Variants in MAMDC2 observed in about 807,000 individuals in gnomAD.
MAMDC2 encodes the protein MAM domain-containing protein 2.
In MAMDC2, 57 loss-of-function variants were observed where a neutral mutation model predicts 89.8. The observed-to-expected ratio is 0.63, with a 90% CI of 0.51 to 0.79. MAMDC2 has a LOEUF of 0.79. Among genes scored for constraint, MAMDC2 ranks in the 30% least tolerant of loss-of-function variants. The pLI, the probability that MAMDC2 is intolerant of heterozygous loss-of-function variation, is 0.00. For synonymous variants in MAMDC2, 313 were observed against 293.4 expected, an observed-to-expected ratio of 1.07 and a Z score of -0.68; for missense variants, 800 against 820.6, an observed-to-expected ratio of 0.97 and a Z score of 0.31.
intron 7 of MAMDC2, among the ~76,000 whole-genome samples, chr9:70,135,254 A>G (rs2030960710): frequency 6.6e-6 from 1 of 152,034 alleles, no homozygotes; most frequent in Non-Finnish European, 1.5e-5. Flanking sequence ...ACTGCCTCTG[A>G]TTCCTCCCTA....
At chr9:70,094,102 C>T (rs1827969978) in intron 2 of MAMDC2, 1 of 152,240 alleles carries the variant, frequency 6.6e-6, no homozygotes, top group Non-Finnish European at 1.5e-5. Context: ...ATTGTTTACA[C>T]TGGAGATTGC....
intron 2 of MAMDC2, among the ~76,000 whole-genome samples, chr9:70,096,116 C>T (rs1042664022): frequency 6.6e-6 from 1 of 152,062 alleles, no homozygotes; most frequent in Non-Finnish European, 1.5e-5. Context: ...CTCGACCTCC[C>T]CAGGCTCAGG....
At chr9:70,205,681 G>T (rs1232264234) in intron 11 of MAMDC2, among the ~76,000 whole-genome samples, 2 of 152,186 alleles carry the variant, frequency 1.3e-5, no homozygotes, top group Non-Finnish European at 2.9e-5. Context: ...CCCCCATCTT[G>T]AATGTTAAAC....
chr9:70,078,542 T>C (rs1827586544), intron 2 of MAMDC2, among the ~76,000 whole-genome samples: 1 of 152,166 alleles, frequency 6.6e-6, no homozygotes, highest in Non-Finnish European at 1.5e-5. Flanking sequence ...TAGGAATTCT[T>C]ATTGGTTTAC....
At chr9:70,066,184 A>G (rs1827257626) in intron 2 of MAMDC2, among the ~76,000 whole-genome samples, 1 of 152,170 alleles carries the variant, frequency 6.6e-6, no homozygotes, top group Admixed American at 6.5e-5. Context: ...CAGAGACCCA[A>G]GGGAATGGGG....
chr9:70,162,774 C>T (rs189883345), intron 9 of MAMDC2, among the ~76,000 whole-genome samples: 4 of 152,106 alleles, frequency 2.6e-5, no homozygotes, highest in Admixed American at 2.6e-4. Flanking sequence ...TGAGCCATGG[C>T]ACCTGGACTC....
chr9:70,084,056 T>A (rs1198086822), intron 2 of MAMDC2, among the ~76,000 whole-genome samples: 1 of 152,142 alleles, frequency 6.6e-6, no homozygotes, highest in Non-Finnish European at 1.5e-5. Context: ...CAACTAAGTA[T>A]CACCTATGTG....
chr9:70,108,544 T>C (rs1828408694), intron 3 of MAMDC2, 62 bp downstream of exon 3: 9 of 1,442,466 alleles, frequency 6.2e-6, no homozygotes, highest in Non-Finnish European at 8.3e-6. Flanking sequence ...TATTCTAAAA[T>C]CTTATGAAAA....
At chr9:70,206,314 C>G (rs190228561) in intron 11 of MAMDC2, among the ~76,000 whole-genome samples, 1 of 152,230 alleles carries the variant, frequency 6.6e-6, no homozygotes, top group Non-Finnish European at 1.5e-5. Context: ...TTGTTAATCT[C>G]TTACAGCATC....
intron 11 of MAMDC2, among the ~76,000 whole-genome samples, chr9:70,198,103 GTAAAT>G (rs1183582568): frequency 2.7e-5 from 4 of 149,810 alleles, no homozygotes; most frequent in Non-Finnish European, 5.9e-5. Flanking sequence ...TTCCTAACTT[GTAAAT>G]TAAACTTTAT....
chr9:70,111,893 G>A (rs908404173), intron 4 of MAMDC2, among the ~76,000 whole-genome samples: 1 of 152,194 alleles, frequency 6.6e-6, no homozygotes, highest in African/African-American at 2.4e-5. Context: ...CTTTTGGTCT[G>A]AAAGGACAAG....
rs1052812911 is a variant in MAMDC2 at position 70,226,491 on chromosome 9, T to G, written c.*459T>G. 1.3e-5 allele frequency: 2 copies of G among 152,582 alleles called. No homozygotes were observed. The highest frequency in any genetic ancestry group is 4.8e-5 in the African/African-American group (2 of 41,450). 9.5% of individuals were successfully genotyped at this position (152,582 alleles called of 1,614,324 possible). On this transcript the variant is annotated 3_prime_UTR_variant, in exon 14 of 14. Transcript: ENST00000377182. ...AGTAATATCTGCAGAATGAATGCAG[T>G]CTTTCATGCTAATGAGTTAGTCTGG...
At chr9:70,137,019 A>C (rs1266492061) in intron 7 of MAMDC2, among the ~76,000 whole-genome samples, 5 of 152,142 alleles carry the variant, frequency 3.3e-5, no homozygotes, top group African/African-American at 1.2e-4. Flanking sequence ...CCTCTTCTCC[A>C]GTCTGGCTCA....
At chr9:70,113,612 G>C (rs1471964970) in intron 5 of MAMDC2, 1 of 154,610 alleles carries the variant, frequency 6.5e-6, no homozygotes. Flanking sequence ...GGCCCCCCTA[G>C]TGGCCAAGAA....
chr9:70,207,164 C>G (rs535281981), intron 11 of MAMDC2, among the ~76,000 whole-genome samples: 3 of 152,332 alleles, frequency 2.0e-5, no homozygotes, highest in Non-Finnish European at 4.4e-5. Flanking sequence ...ATGGCTGGAT[C>G]AAATGGTATT....
At chr9:70,215,124 A>G (rs944788112) in intron 11 of MAMDC2, among the ~76,000 whole-genome samples, 5 of 152,160 alleles carry the variant, frequency 3.3e-5, no homozygotes, top group African/African-American at 1.2e-4. Flanking sequence ...GTCAGGAAAG[A>G]GAGAGTGGAA....
chr9:70,144,731 C>G (rs1237593822), intron 9 of MAMDC2, among the ~76,000 whole-genome samples: 1 of 152,216 alleles, frequency 6.6e-6, no homozygotes, highest in Non-Finnish European at 1.5e-5. Context: ...ATCCAGGAGT[C>G]ACCCAAAGTG....
chr9:70,142,545 A>G (rs1034115900), intron 8 of MAMDC2, among the ~76,000 whole-genome samples: 1 of 152,214 alleles, frequency 6.6e-6, no homozygotes, highest in Non-Finnish European at 1.5e-5. Flanking sequence ...AAAATACCAC[A>G]GACTGGGTGG....
intron 11 of MAMDC2, among the ~76,000 whole-genome samples, chr9:70,186,792 GCAAACGCAGAGCAGGCATGTCAA>G (rs1325793859): frequency 6.6e-6 from 1 of 152,212 alleles, no homozygotes; most frequent in Non-Finnish European, 1.5e-5. Flanking sequence ...GTAGCGGAAG[GCAAACGCAGAGCAGGCATGTCAA>G]CATGGTGAGA....
Sources: allele counts gnomAD v4.1 joint callset (sites outside exome capture counted in the v4.1 genomes callset), GRCh38; gene constraint gnomAD v4.1.1; transcripts MANE v1.5; gene names NCBI Gene and HGNC (gene_info 2026-07-23, HGNC 2026-07-21).